Variants in PHF12 observed in about 807,000 individuals in gnomAD.
The protein encoded by PHF12 is PHD finger protein 12, also known as PHD factor 1.
A neutral mutation model predicts 99.8 loss-of-function variants in PHF12; 6 were observed. The ratio of observed to expected loss-of-function variants is 0.06; its 90% CI spans 0.03 to 0.12. PHF12 has a LOEUF of 0.12. Ranked by LOEUF, PHF12 falls within the 10% of genes least tolerant of loss-of-function variation. The probability of loss-of-function intolerance (pLI) is 1.00; values close to 1 mark genes in which losing one functional copy is unlikely to be tolerated. For missense variants in PHF12, 954 were observed against 1,300.1 expected, an observed-to-expected ratio of 0.73 and a Z score of 4.09; for synonymous variants, 480 against 514.9, an observed-to-expected ratio of 0.93 and a Z score of 0.92.
chr17:28,910,412 AGTGGAAT>A (rs1287805308), intron 10 of PHF12, 43 bp from the exon 11 acceptor site: 2 of 1,578,210 alleles, frequency 1.3e-6, no homozygotes, highest in Non-Finnish European at 1.7e-6. Flanking sequence ...TGAGATGGGA[AGTGGAAT>A]GTGGAAGCAA....
chr17:28,914,085 A>G (rs747823162), intron 7 of PHF12, 48 bp from the exon 8 acceptor site: 2 of 1,541,108 alleles, frequency 1.3e-6, no homozygotes, highest in South Asian at 1.2e-5. Context: ...TAGTTCCAAC[A>G]TGTCTAGTTG....
At chr17:28,945,033 G>T (rs2040696980) in intron 2 of PHF12, 1 of 152,158 alleles carries the variant, frequency 6.6e-6, no homozygotes, top group Admixed American at 6.5e-5. Flanking sequence ...TCAACACTTT[G>T]TGAGGCCAAG....
rs1263220014 is a variant in PHF12 at position 28,921,743 on chromosome 17, A to T, written c.781T>A (p.Leu261Ile). 6 of 1,613,986 alleles carry T rather than the reference A, an allele frequency of 3.7e-6. No individual in the cohort carries two copies. The highest frequency in any genetic ancestry group is 5.1e-6 in the Non-Finnish European group (6 of 1,179,972). ...AAGGGAACGAGACCATTGTGATCTA[A>T]TTCATGCTGTGTCTTCTTAACATTT... The part of the protein sequence containing the change: ...GKNVKKTQHE[L>I]DHNGLVPLPV... The change falls in exon 5 of 15, where the codon TTA becomes ATA. Residue 261 changes from leucine (L) to isoleucine (I), a missense_variant. By Grantham distance (5) the Leu-to-Ile change is conservative. Around this residue, in one of 8 missense-constraint regions of PHF12, gnomAD observed 85 missense variants for 196.6 expected, o/e 0.43. Transcript: ENST00000332830.
At chr17:28,932,551 C>G (rs2040432512) in intron 2 of PHF12, among the ~76,000 whole-genome samples, 1 of 152,208 alleles carries the variant, frequency 6.6e-6, no homozygotes, top group African/African-American at 2.4e-5. Flanking sequence ...ATCAGAAATA[C>G]TGCTGACAGG....
intron 2 of PHF12, among the ~76,000 whole-genome samples, chr17:28,929,316 C>T (rs568476064): frequency 6.6e-6 from 1 of 151,238 alleles, no homozygotes; most frequent in Non-Finnish European, 1.5e-5. Flanking sequence ...GATCTTGGCT[C>T]ACTGCAACCT....
intron 5 of PHF12, among the ~76,000 whole-genome samples, chr17:28,921,101 G>T (rs762925534): frequency 1.3e-4 from 19 of 151,824 alleles, no homozygotes; most frequent in Non-Finnish European, 1.5e-5. Flanking sequence ...AGCCAGGATG[G>T]TCTCAATATC....
Position 28,949,498 on chromosome 17 carries a change from G to A in PHF12, c.248+567C>T, listed in dbSNP as rs1476336865. Among the ~76,000 whole-genome samples the A allele has an allele frequency of 6.6e-6, 1 of 152,220 alleles. No homozygotes were observed. The highest frequency in any genetic ancestry group is 1.5e-5 in the Non-Finnish European group (1 of 68,040). On this transcript the variant is annotated intron_variant, in intron 2 of 14. Coordinates refer to ENST00000332830, the MANE Select transcript of PHF12 (RefSeq NM_001033561.2). This position sits in a 1 kb window ranked among gnomAD's most constrained non-coding sequence, Gnocchi z 4.6. ...AAATCATATATGCAGCCAAAATGGC[G>A]CTGAGAATAAAAATATAATTTAAAG...
rs888683987 is a variant in PHF12 at position 28,905,923 on chromosome 17, C to T, written c.*260G>A. 2 of 364,508 alleles carry T rather than the reference C, an allele frequency of 5.5e-6. No individual in the cohort carries two copies. Among genetic ancestry groups the T allele is most frequent in the East Asian group, 8.8e-5 (2 of 22,622 alleles). The allele number at this position is 364,508 out of a possible 1,614,324, so 22.6% of individuals were successfully genotyped here. A position where few individuals can be genotyped will look rare whatever the true frequency, so the allele number is the denominator to read the frequency against. On this transcript the variant is annotated 3_prime_UTR_variant, in exon 15 of 15. Transcript: ENST00000332830. The stretch of plus-strand genomic sequence containing the variant: ...AGACCCTGGGTCTTTCCCTCCCTGC[C>T]CACGCTGTTCCTCAGCTCAGGTCTG...
In PHF12 at chr17:28,949,282, C is replaced by G. The variant is rs1373181031; in HGVS notation, c.248+783G>C. Among the ~76,000 whole-genome samples the G allele has an allele frequency of 6.6e-6, 1 of 152,100 alleles. No homozygotes were observed. The highest frequency in any genetic ancestry group is 1.5e-5 in the Non-Finnish European group (1 of 67,986). On this transcript the variant is annotated intron_variant, in intron 2 of 14. Transcript: ENST00000332830. This position sits in a 1 kb window ranked among gnomAD's most constrained non-coding sequence, Gnocchi z 4.6. ...TAATTGTCTAACCCGGCCCGATTTC[C>G]TAAGAGGCAGCGGCGCCGGGAGGGA... is the stretch of plus-strand genomic sequence containing the variant.
In PHF12 at chr17:28,923,939, T is replaced by G. The variant is rs2040217253; in HGVS notation, c.685A>C (p.Asn229His). ...AGTGCAGTGGTACAAGTCAGTTCAT[T>G]GGGCAACTGAAATTGGGTGGGGTTC... ...ERNPTQFQLP[N>H]ELTCTTALPG... Residue 229 changes from asparagine to histidine, a missense_variant, in exon 4 of 15, where the codon AAT becomes CAT. Physicochemically the swap from Asn to His is moderately conservative, Grantham distance 68 (BLOSUM62 1). Around this residue, in one of 8 missense-constraint regions of PHF12, gnomAD observed 85 missense variants for 196.6 expected, o/e 0.43. Coordinates refer to ENST00000332830, the MANE Select transcript of PHF12 (RefSeq NM_001033561.2). 3.1e-6 allele frequency: 5 copies of G among 1,612,692 alleles called. No individual in the cohort carries two copies. The highest frequency in any genetic ancestry group is 4.2e-6 in the Non-Finnish European group (5 of 1,179,750).
At chr17:28,936,119 CTATTTCAAGTCA>C (rs1355265259) in intron 2 of PHF12, among the ~76,000 whole-genome samples, 1 of 152,232 alleles carries the variant, frequency 6.6e-6, no homozygotes, top group Non-Finnish European at 1.5e-5. Flanking sequence ...TTAAGAGGAT[CTATTTCAAGTCA>C]TATACCAGTG....
Position 28,951,240 on chromosome 17 carries a change from T to C in PHF12, c.-280A>G. On this transcript the variant is annotated 5_prime_UTR_variant, in exon 1 of 15. Coordinates refer to ENST00000332830, the MANE Select transcript of PHF12 (RefSeq NM_001033561.2). ...CCGGGGGTCAGGCCTCGGCGGGGCC[T>C]AGTCCCACAGGCTAAAGCCGGCACT... 1 of 1,304,150 alleles carries C rather than the reference T, an allele frequency of 7.7e-7. No individual in the cohort carries two copies. The allele number at this position is 1,304,150 out of a possible 1,614,324, so 80.8% of individuals were successfully genotyped here.
At chr17:28,942,295 G>A (rs577065122) in intron 2 of PHF12, among the ~76,000 whole-genome samples, 4 of 151,018 alleles carry the variant, frequency 2.6e-5, no homozygotes, top group East Asian at 4.0e-4. Context: ...CAGGAGGATC[G>A]GTTGAGGCCA....
At chr17:28,928,934 A>G (rs2040337442) in intron 2 of PHF12, among the ~76,000 whole-genome samples, 1 of 151,694 alleles carries the variant, frequency 6.6e-6, no homozygotes, top group Non-Finnish European at 1.5e-5. Flanking sequence ...TGTCTCTACT[A>G]ATAATACAAA....
chr17:28,906,809 T>C lies in PHF12; in HGVS notation c.2680+47A>G. ...CATGGGCAGCAAGTCAGAACCACCCTGACTGGGGCCTCAGCTTTGTGGCCA... is the reference window on the plus strand; with the variant it reads ...CATGGGCAGCAAGTCAGAACCACCCCGACTGGGGCCTCAGCTTTGTGGCCA... On this transcript the variant is annotated intron_variant, in intron 14 of 14. Transcript: ENST00000332830. The surrounding 1 kb of genome is among the most constrained non-coding windows in gnomAD (Gnocchi z 4.2). 2 of 1,558,006 alleles carry C rather than the reference T, an allele frequency of 1.3e-6. No individual in the cohort carries two copies. Among genetic ancestry groups the C allele is most frequent in the Non-Finnish European group, 1.7e-6 (2 of 1,149,400 alleles).
chr17:28,926,046 G>A (rs1474955551), intron 3 of PHF12: 3 of 152,274 alleles, frequency 2.0e-5, no homozygotes, highest in Admixed American at 2.0e-4. Flanking sequence ...CTGGTTTATG[G>A]AGAAATTTAA....
At chr17:28,941,813 G>A (rs1263669005) in intron 2 of PHF12, among the ~76,000 whole-genome samples, 1 of 152,084 alleles carries the variant, frequency 6.6e-6, no homozygotes, top group Non-Finnish European at 1.5e-5. Flanking sequence ...CACCATGTTG[G>A]TCAGGCTGGT....
At chr17:28,935,256 C>CTAGTT (rs1400838983) in intron 2 of PHF12, among the ~76,000 whole-genome samples, 1 of 152,088 alleles carries the variant, frequency 6.6e-6, no homozygotes, top group Non-Finnish European at 1.5e-5. Context: ...TTACAACTCA[C>CTAGTT]TATTTTATTT....
chr17:28,933,159 A>T, intron 2 of PHF12, among the ~76,000 whole-genome samples: 1 of 152,216 alleles, frequency 6.6e-6, no homozygotes, highest in Non-Finnish European at 1.5e-5. Flanking sequence ...TTAAAAGTTA[A>T]AAGTCACGTA....
Sources: allele counts gnomAD v4.1 joint callset (sites outside exome capture counted in the v4.1 genomes callset), GRCh38; gene constraint gnomAD v4.1.1; regional missense constraint gnomAD v4.1.1; non-coding constraint Gnocchi (gnomAD v3.1); transcripts MANE v1.5; gene names NCBI Gene and HGNC (gene_info 2026-07-23, HGNC 2026-07-21).